Variants in MTRR observed in about 807,000 individuals in gnomAD.
The protein encoded by MTRR is methionine synthase reductase.
Under a neutral mutation model 79.2 loss-of-function variants are expected in MTRR, and 63 were observed. The ratio of observed to expected loss-of-function variants is 0.80; its 90% CI spans 0.65 to 0.98. MTRR has a LOEUF of 0.98. MTRR is among the 50% of genes least tolerant of loss of function. The probability of loss-of-function intolerance (pLI) is 0.00; values close to 1 mark genes in which losing one functional copy is unlikely to be tolerated. For synonymous variants in MTRR, 355 were observed against 313.3 expected (o/e 1.13, Z -1.41); for missense variants, 895 against 839.6 (o/e 1.07, Z -0.82).
chr5:7,900,319 C>T lies in MTRR; in HGVS notation c.*261C>T. On this transcript the variant is annotated 3_prime_UTR_variant, in exon 15 of 15. Coordinates refer to ENST00000440940, the MANE Select transcript of MTRR (RefSeq NM_002454.3). ...CTTGAGCTCTTCTGAGCTAAGGCAG[C>T]CTTCAGTCCCTATCAGCGCCTCCTT... is the stretch of plus-strand genomic sequence containing the variant. The T allele has an allele frequency of 2.2e-6, 1 of 453,050 alleles. No individual in the cohort carries two copies. Among genetic ancestry groups the T allele is most frequent in the South Asian group, 2.3e-5 (1 of 43,154 alleles). 28.1% of individuals were successfully genotyped at this position (453,050 alleles called of 1,614,324 possible).
chr5:7,875,385 G>A lies in MTRR; in HGVS notation c.401+10G>A, dbSNP rs760026002. On this transcript the variant is annotated intron_variant, in intron 4 of 14. Coordinates refer to ENST00000440940, the MANE Select transcript of MTRR (RefSeq NM_002454.3). Reference sequence around the variant, plus strand: ...CAGATGACTGTGTAGGGTAAGGGCAGTGTTCTCTGTTTACTCCAATAAGCC... The same window carrying A: ...CAGATGACTGTGTAGGGTAAGGGCAATGTTCTCTGTTTACTCCAATAAGCC... 14 of 1,585,608 alleles carry A rather than the reference G, an allele frequency of 8.8e-6. No individual in the cohort carries two copies. The East Asian group carries it at 2.7e-4, about 30-fold the overall frequency.
intron 6 of MTRR, 118 bp from the exon 7 acceptor site, chr5:7,885,583 T>C: frequency 1.1e-6 from 1 of 949,684 alleles, no homozygotes; most frequent in Non-Finnish European, 1.6e-6. Context: ...TGAAATTCTA[T>C]TTTCTGAGTT....
intron 4 of MTRR, among the ~76,000 whole-genome samples, chr5:7,876,140 C>G (rs1035694168): frequency 6.6e-6 from 1 of 151,548 alleles, no homozygotes; most frequent in Non-Finnish European, 1.5e-5. Context: ...ACAAATTCAG[C>G]AAATGTCTTG....
chr5:7,878,029 A>G lies in MTRR; in HGVS notation c.487A>G (p.Ile163Val), dbSNP rs886060804. Reference sequence around the variant, plus strand: ...TAGGTCAAGCAGAGGACAAGAGGAGATAAGTGGCGCACTCCCGGTGGCATC... The same window carrying G: ...TAGGTCAAGCAGAGGACAAGAGGAGGTAAGTGGCGCACTCCCGGTGGCATC... ...HFRSSRGQEEISGALPVASPA... is the reference protein window; with the variant it reads ...HFRSSRGQEEVSGALPVASPA... Residue 163 changes from isoleucine to valine, a missense_variant, in exon 5 of 15, where the codon ATA becomes GTA. Ile to Val is a conservative substitution (Grantham distance 29). Transcript: ENST00000440940. 3.7e-6 allele frequency: 6 copies of G among 1,613,646 alleles called. No individual in the cohort carries two copies. The African/African-American group carries it at 4.0e-5, about 11-fold the overall frequency.
rs1329582967 is a variant in MTRR at position 7,875,399 on chromosome 5, C to T, written c.401+24C>T. On this transcript the variant is annotated intron_variant, in intron 4 of 14. Coordinates refer to ENST00000440940, the MANE Select transcript of MTRR (RefSeq NM_002454.3). ...GGGTAAGGGCAGTGTTCTCTGTTTA[C>T]TCCAATAAGCCCTCTATACATGATG... 3.3e-6 allele frequency: 5 copies of T among 1,514,736 alleles called. No individual in the cohort carries two copies. The South Asian group carries it at 4.5e-5, about 14-fold the overall frequency. 93.8% of individuals were successfully genotyped at this position (1,514,736 alleles called of 1,614,324 possible).
intron 1 of MTRR, among the ~76,000 whole-genome samples, chr5:7,858,442 T>G (rs1746319930): frequency 6.6e-6 from 1 of 150,944 alleles, no homozygotes. Flanking sequence ...GCTTATCTCC[T>G]GCTCAATCTC....
Position 7,900,065 on chromosome 5 carries a change from A to G in MTRR, c.*7A>G. On this transcript the variant is annotated 3_prime_UTR_variant, in exon 15 of 15. Transcript: ENST00000440940. ...TCAGGATATTTGGTCATAAAACCAG[A>G]AATTAAAGAAAGAGGATTAAGCTTT... 6.2e-7 allele frequency: 1 copy of G among 1,613,094 alleles called. No individual in the cohort carries two copies.
chr5:7,870,102 G>T lies in MTRR; in HGVS notation c.-25-668G>T, dbSNP rs971023348. ...TACTGCTTATCTCTTGCGGAAAAAC[G>T]TGTTAGTAAAATGTTTAAGTGGATT... On this transcript the variant is annotated intron_variant, in intron 1 of 14. Coordinates refer to ENST00000440940, the MANE Select transcript of MTRR (RefSeq NM_002454.3). 5 of 983,626 alleles carry T rather than the reference G, an allele frequency of 5.1e-6. No homozygotes were observed. The Admixed American group carries it at 3.1e-4, about 60-fold the overall frequency. 60.9% of individuals were successfully genotyped at this position (983,626 alleles called of 1,614,324 possible). A position where few individuals can be genotyped will look rare whatever the true frequency, so the allele number is the denominator to read the frequency against.
chr5:7,867,088 C>T, upstream of MTRR: 1 of 1,614,170 alleles, frequency 6.2e-7, no homozygotes, highest in Non-Finnish European at 8.5e-7. Flanking sequence ...TCCTAAGCTC[C>T]TCGTTAGTGA....
chr5:7,851,886 C>CA (rs917929944), intron 1 of MTRR, among the ~76,000 whole-genome samples: 33 of 152,076 alleles, frequency 2.2e-4, no homozygotes, highest in African/African-American at 7.0e-4. Context: ...AACAAACAAA[C>CA]AAAAAAAGCC....
Position 7,899,898 on chromosome 5 carries a change from T to C in MTRR, c.1953-16T>C, listed in dbSNP as rs776693582. On this transcript the variant is annotated splice_polypyrimidine_tract_variant and intron_variant, in intron 14 of 14. Transcript: ENST00000440940. Reference sequence around the variant, plus strand: ...TGCCTGTTTGTAAGCAGTCATCTTATTATTTTCTTTTCTAGAGATGCAAAG... The same window carrying C: ...TGCCTGTTTGTAAGCAGTCATCTTACTATTTTCTTTTCTAGAGATGCAAAG... 16 of 1,614,160 alleles carry C rather than the reference T, an allele frequency of 9.9e-6. No homozygotes were observed. The highest frequency in any genetic ancestry group is 1.3e-5 in the Non-Finnish European group (15 of 1,179,996).
At chr5:7,853,569 G>A (rs1378349924) in intron 1 of MTRR, among the ~76,000 whole-genome samples, 1 of 152,196 alleles carries the variant, frequency 6.6e-6, no homozygotes, top group Non-Finnish European at 1.5e-5. Flanking sequence ...GAGGGACCAA[G>A]AGGAGCAAGA....
chr5:7,884,459 G>GT (rs1380777673), intron 6 of MTRR, among the ~76,000 whole-genome samples: 54 of 152,266 alleles, frequency 3.5e-4, no homozygotes, highest in Non-Finnish European at 7.4e-5. Context: ...CTAACACCAC[G>GT]TAAGTAGTTG....
chr5:7,887,720 ATGTC>A (rs1393890733), intron 8 of MTRR, among the ~76,000 whole-genome samples: 6 of 140,260 alleles, frequency 4.3e-5, no homozygotes, highest in South Asian at 4.5e-4. Context: ...GTGTGTGTGT[ATGTC>A]TGTATATGTG....
chr5:7,867,547 C>A (rs978533461), upstream of MTRR: 11 of 1,614,236 alleles, frequency 6.8e-6, no homozygotes, highest in Non-Finnish European at 9.3e-6. Flanking sequence ...GCAAAGCAGT[C>A]ACTAAACTAG....
chr5:7,855,137 A>G (rs1324651417), intron 1 of MTRR, among the ~76,000 whole-genome samples: 2 of 152,244 alleles, frequency 1.3e-5, no homozygotes, highest in Non-Finnish European at 2.9e-5. Flanking sequence ...AGTTAGAGAC[A>G]TAAGAGACTT....
upstream of MTRR, among the ~76,000 whole-genome samples, chr5:7,865,339 TCAAGTAGAGAGAAG>T (rs1746866393): frequency 6.6e-6 from 1 of 151,936 alleles, no homozygotes; most frequent in Non-Finnish European, 1.5e-5. Context: ...TGATTCAGAG[TCAAGTAGAGAGAAG>T]CAGAGAGAGA....
chr5:7,850,861 T>C, upstream of MTRR: 9 of 1,299,796 alleles, frequency 6.9e-6, no homozygotes, highest in Non-Finnish European at 8.8e-6. Context: ...CCGCGCCCAG[T>C]CCGCGGTCCT....
At position 7,892,924 on chromosome 5, in the gene MTRR, A is replaced by T; in HGVS notation, c.1557+11A>T. On this transcript the variant is annotated intron_variant, in intron 11 of 14. Coordinates refer to ENST00000440940, the MANE Select transcript of MTRR (RefSeq NM_002454.3). ...GCCCTGGCTCCTAAGGTAAGAAATT[A>T]GTACCTTAACCTCAGCATTGTTAAC... The T allele has an allele frequency of 6.2e-7, 1 of 1,611,098 alleles. No individual in the cohort carries two copies. The highest frequency in any genetic ancestry group is 1.1e-5 in the South Asian group (1 of 90,860).
Sources: gnomAD v4.1 joint callset for allele counts (sites outside exome capture counted in the v4.1 genomes callset) on GRCh38, gnomAD v4.1.1 for gene constraint, MANE v1.5 for transcripts, NCBI Gene and HGNC (gene_info 2026-07-23, HGNC 2026-07-21) for gene names.